Variants in SDK1 observed in about 807,000 individuals in gnomAD.
The protein encoded by SDK1 is sidekick cell adhesion molecule 1.
Under a neutral mutation model 245.5 loss-of-function variants are expected in SDK1, and 157 were observed. The ratio of observed to expected loss-of-function variants is 0.64; its 90% CI spans 0.56 to 0.73. The LOEUF (loss-of-function observed/expected upper bound fraction) is 0.73. SDK1 is among the 30% of genes least tolerant of loss of function. SDK1 has a pLI of 0.00. For missense variants in SDK1, 3,583 were observed against 3,002.3 expected (o/e 1.19, Z -4.52); for synonymous variants, 1,647 against 1,278.5 (o/e 1.29, Z -6.15).
chr7:3,896,855 A>T (rs1781621954), intron 5 of SDK1, among the ~76,000 whole-genome samples: 1 of 152,234 alleles, frequency 6.6e-6, no homozygotes, highest in Non-Finnish European at 1.5e-5. Flanking sequence ...GTTTGTTTTC[A>T]CACTGCTATA....
At chr7:3,346,741 G>C (rs183509800) in intron 1 of SDK1, among the ~76,000 whole-genome samples, 4 of 117,846 alleles carry the variant, frequency 3.4e-5, no homozygotes, top group African/African-American at 1.4e-4. Context: ...ATATATACAC[G>C]TATATATATG....
At chr7:3,983,827 C>G (rs911783919) in intron 13 of SDK1, among the ~76,000 whole-genome samples, 1 of 152,138 alleles carries the variant, frequency 6.6e-6, no homozygotes, top group Non-Finnish European at 1.5e-5. Flanking sequence ...AAATATCACA[C>G]TTTGCCCTGG....
intron 1 of SDK1, among the ~76,000 whole-genome samples, chr7:3,617,681 CAG>C (rs1198735813): frequency 6.6e-6 from 1 of 152,144 alleles, no homozygotes; most frequent in Non-Finnish European, 1.5e-5. Context: ...GTGCATGAGA[CAG>C]AGGATGGGGG....
intron 4 of SDK1, among the ~76,000 whole-genome samples, chr7:3,709,456 G>A (rs1030759748): frequency 6.6e-6 from 1 of 152,192 alleles, no homozygotes; most frequent in African/African-American, 2.4e-5. Flanking sequence ...TTTCTCTGTG[G>A]ACTGGATTGC....
chr7:3,933,271 C>A (rs936674328), intron 5 of SDK1, among the ~76,000 whole-genome samples: 6 of 151,764 alleles, frequency 4.0e-5, no homozygotes, highest in Admixed American at 3.9e-4. Flanking sequence ...CCACCACTCC[C>A]AGCTAATTTA....
At chr7:3,764,049 T>C (rs1006448802) in intron 4 of SDK1, among the ~76,000 whole-genome samples, 3 of 152,208 alleles carry the variant, frequency 2.0e-5, no homozygotes, top group African/African-American at 7.2e-5. Flanking sequence ...TGGGGATTTG[T>C]GGATGGTCTG....
intron 1 of SDK1, among the ~76,000 whole-genome samples, chr7:3,610,762 C>T (rs1240660893): frequency 2.0e-5 from 3 of 152,312 alleles, no homozygotes; most frequent in Admixed American, 6.5e-5. Context: ...TCAGAGAAAA[C>T]AGAGAATCAG....
chr7:3,998,649 C>G (rs1784852312), intron 14 of SDK1, among the ~76,000 whole-genome samples: 2 of 152,326 alleles, frequency 1.3e-5, no homozygotes, highest in African/African-American at 2.4e-5. Context: ...GTTCCCCAGC[C>G]TCAAACCTGA....
At chr7:3,465,700 T>C (rs1285981920) in intron 1 of SDK1, among the ~76,000 whole-genome samples, 1 of 152,162 alleles carries the variant, frequency 6.6e-6, no homozygotes, top group Non-Finnish European at 1.5e-5. Flanking sequence ...CCGTATATGA[T>C]CATTCAGGCG....
intron 41 of SDK1, among the ~76,000 whole-genome samples, chr7:4,235,419 C>T (rs1008359547): frequency 2.0e-5 from 3 of 152,220 alleles, no homozygotes; most frequent in African/African-American, 4.8e-5. Context: ...CTGCCTTGGC[C>T]TCCCAAAGTG....
At chr7:3,463,091 A>G (rs1428176303) in intron 1 of SDK1, among the ~76,000 whole-genome samples, 11 of 151,900 alleles carry the variant, frequency 7.2e-5, no homozygotes, top group Non-Finnish European at 1.5e-5. Context: ...TCCTTCATCA[A>G]CTTGTTATCT....
At chr7:3,889,760 G>A (rs1369415696) in intron 5 of SDK1, among the ~76,000 whole-genome samples, 4 of 151,990 alleles carry the variant, frequency 2.6e-5, no homozygotes, top group African/African-American at 9.7e-5. Context: ...CACCCTCCTC[G>A]ACCTCCCAAA....
intron 16 of SDK1, 118 bp from the exon 17 acceptor site, chr7:4,017,053 A>T (rs1175525650): frequency 1.1e-6 from 1 of 951,396 alleles, no homozygotes; most frequent in Non-Finnish European, 1.5e-6. Flanking sequence ...CTGACCTCTC[A>T]GCTCTGCTCT....
chr7:3,788,199 C>G (rs1163226851), intron 4 of SDK1, among the ~76,000 whole-genome samples: 3 of 152,194 alleles, frequency 2.0e-5, no homozygotes. Context: ...AGCAGTGTCC[C>G]CGCCTCTCAA....
intron 1 of SDK1, among the ~76,000 whole-genome samples, chr7:3,500,055 G>T (rs1209137032): frequency 1.3e-5 from 2 of 152,216 alleles, no homozygotes; most frequent in Admixed American, 1.3e-4. Context: ...GGCTCACTGG[G>T]GTGTCTTGTC....
chr7:3,601,229 C>T (rs1052009894), intron 1 of SDK1, among the ~76,000 whole-genome samples: 2 of 152,086 alleles, frequency 1.3e-5, no homozygotes, highest in African/African-American at 4.8e-5. Flanking sequence ...TAATAGTCTT[C>T]AAGAAATGAA....
intron 18 of SDK1, 50 bp from the exon 19 acceptor site, chr7:4,051,580 TGAGTGTGG>T: frequency 7.0e-7 from 1 of 1,426,900 alleles, no homozygotes; most frequent in Non-Finnish European, 9.7e-7. Flanking sequence ...GCTGCAGACA[TGAGTGTGG>T]AGAAATGCCA....
At chr7:3,803,806 G>C (rs1258974074) in intron 4 of SDK1, among the ~76,000 whole-genome samples, 1 of 143,832 alleles carries the variant, frequency 7.0e-6, no homozygotes, top group Non-Finnish European at 1.5e-5. Context: ...GGAGTGCAGT[G>C]GTGGCTGGAA....
At position 3,395,727 on chromosome 7, in the gene SDK1, C is replaced by T. The variant is rs75601199; in HGVS notation, c.298+93843C>T. Among the ~76,000 whole-genome samples, 117 of 151,832 alleles carry T rather than the reference C, an allele frequency of 7.7e-4. 1 individual carries two copies. The East Asian group carries it at 0.019, about 25-fold the overall frequency. On this transcript the variant is annotated intron_variant, in intron 1 of 44. Coordinates refer to ENST00000404826, the MANE Select transcript of SDK1 (RefSeq NM_152744.4). Reference sequence around the variant, plus strand: ...CCTTCTTTAGTCAGTTTTGGTCATTCGTGACTTTTTAGGAATTTGTCTATT... The same window carrying T: ...CCTTCTTTAGTCAGTTTTGGTCATTTGTGACTTTTTAGGAATTTGTCTATT...
Sources: gnomAD v4.1 joint callset for allele counts (sites outside exome capture counted in the v4.1 genomes callset) on GRCh38, gnomAD v4.1.1 for gene constraint, MANE v1.5 for transcripts, NCBI Gene and HGNC (gene_info 2026-07-23, HGNC 2026-07-21) for gene names.